Variants in CNTN1 observed in about 807,000 individuals in gnomAD.
The protein encoded by CNTN1 is contactin 1.
CNTN1 carries 38 observed loss-of-function variants against 126.4 expected under a neutral mutation model. The observed-to-expected ratio is 0.30, with a 90% CI of 0.23 to 0.39. The LOEUF is 0.39. Among genes scored for constraint, CNTN1 ranks in the 10% least tolerant of loss-of-function variants. CNTN1 has a pLI of 1.00. For missense variants in CNTN1, 1,009 were observed against 1,248.4 expected, an observed-to-expected ratio of 0.81 and a Z score of 2.89; for synonymous variants, 413 against 422.6, an observed-to-expected ratio of 0.98 and a Z score of 0.28.
chr12:40,935,096 G>A (rs769164736), intron 9 of CNTN1, among the ~76,000 whole-genome samples: 2 of 151,854 alleles, frequency 1.3e-5, no homozygotes, highest in Non-Finnish European at 2.9e-5. Flanking sequence ...CGTGATCATG[G>A]CTTTAGACAC....
At chr12:40,988,463 A>G (rs1165625879) in intron 16 of CNTN1, among the ~76,000 whole-genome samples, 1 of 152,152 alleles carries the variant, frequency 6.6e-6, no homozygotes, top group Non-Finnish European at 1.5e-5. Context: ...TCCTGAAGTC[A>G]TTCTGGCTGT....
At chr12:41,006,199 T>C (rs1029201130) in intron 17 of CNTN1, among the ~76,000 whole-genome samples, 2 of 152,218 alleles carry the variant, frequency 1.3e-5, no homozygotes, top group African/African-American at 4.8e-5. Flanking sequence ...CACCTCCCAA[T>C]TCCTGGACTG....
chr12:40,693,143 G>A (rs1941346589), intron 1 of CNTN1, among the ~76,000 whole-genome samples: 1 of 152,204 alleles, frequency 6.6e-6, no homozygotes, highest in South Asian at 2.1e-4. Flanking sequence ...CCCTTCAGGA[G>A]ATGGGGGTGG....
At position 41,025,254 on chromosome 12, in the gene CNTN1, G is replaced by A. The variant is rs2120819370; in HGVS notation, c.2628G>A (p.Gln876=). The change falls in exon 21 of 24, where the codon CAG becomes CAA. Residue 876 remains glutamine (Q), a synonymous_variant. Transcript: ENST00000551295. ...ARLENLLPDT[Q]YFIEVGACNS... is the part of the protein sequence containing the mutation. ...TCGAGAACCTTCTGCCAGACACCCA[G>A]TATTTTATAGAAGTCGGGGCCTGCA... 1 of 1,613,968 alleles carries A rather than the reference G, an allele frequency of 6.2e-7. No individual in the cohort carries two copies. The highest frequency in any genetic ancestry group is 8.5e-7 in the Non-Finnish European group (1 of 1,179,866).
chr12:40,926,096 G>C (rs532321866), intron 6 of CNTN1, among the ~76,000 whole-genome samples: 1 of 151,048 alleles, frequency 6.6e-6, no homozygotes, highest in African/African-American at 2.4e-5. Flanking sequence ...GCCTTCAGAG[G>C]TCTTCCACGG....
chr12:40,742,479 GT>G (rs1937984713), intron 1 of CNTN1: 2 of 151,808 alleles, frequency 1.3e-5, no homozygotes, highest in African/African-American at 4.8e-5. Context: ...AGTGAGTAAA[GT>G]TTGTCTTTGC....
chr12:40,990,022 A>C (rs1043957672), intron 16 of CNTN1, among the ~76,000 whole-genome samples: 4 of 151,796 alleles, frequency 2.6e-5, no homozygotes, highest in Non-Finnish European at 5.9e-5. Flanking sequence ...CAGCTTAGAG[A>C]GAAGAGACAC....
At chr12:41,048,827 C>G (rs1018046203) in intron 23 of CNTN1, among the ~76,000 whole-genome samples, 1 of 152,096 alleles carries the variant, frequency 6.6e-6, no homozygotes, top group African/African-American at 2.4e-5. Context: ...AAAATCTCTT[C>G]CAGTAACTAA....
chr12:40,795,183 C>T (rs1345757112), intron 1 of CNTN1, among the ~76,000 whole-genome samples: 1 of 151,858 alleles, frequency 6.6e-6, no homozygotes, highest in Non-Finnish European at 1.5e-5. Flanking sequence ...GCCTTTCAGC[C>T]AGCCTTGGGG....
rs1293851277 is a variant in CNTN1, at chr12:41,056,962, AAATATTATAAATATTTAG to A, written c.2981-12995_2981-12978del. 3.9e-5 allele frequency among the ~76,000 whole-genome samples: 4 copies of A among 101,610 alleles called. 1 individual carries two copies. Among genetic ancestry groups the A allele is most frequent in the African/African-American group, 1.2e-4 (3 of 24,516 alleles). 66.7% of individuals were successfully genotyped at this position (101,610 alleles called of 152,430 possible). The stretch of plus-strand genomic sequence containing the variant: ...ATATTTATAATATTTAGATATTTAT[AAATATTATAAATATTTAG>A]ATATTTATAAATATTATAAATATTT... On this transcript the variant is annotated intron_variant, in intron 23 of 23. Coordinates refer to ENST00000551295, the MANE Select transcript of CNTN1 (RefSeq NM_001843.4).
At chr12:40,801,479 A>G (rs1940650794) in intron 1 of CNTN1, among the ~76,000 whole-genome samples, 1 of 152,008 alleles carries the variant, frequency 6.6e-6, no homozygotes, top group Non-Finnish European at 1.5e-5. Flanking sequence ...GATAAGGTAG[A>G]ATTTTGTGAG....
intron 1 of CNTN1, among the ~76,000 whole-genome samples, chr12:40,725,094 G>T (rs2121233719): frequency 6.6e-6 from 1 of 152,210 alleles, no homozygotes; most frequent in East Asian, 1.9e-4. Flanking sequence ...TTTTCTATGG[G>T]ATTTACCTTA....
chr12:40,791,265 C>G (rs183607976), intron 1 of CNTN1, among the ~76,000 whole-genome samples: 69 of 152,194 alleles, frequency 4.5e-4, no homozygotes, highest in African/African-American at 1.6e-3. Context: ...TAACCCATGT[C>G]ATTGTCTTAT....
intron 23 of CNTN1, among the ~76,000 whole-genome samples, chr12:41,033,087 AT>A (rs1949180995): frequency 1.3e-5 from 2 of 152,240 alleles, no homozygotes; most frequent in Non-Finnish European, 2.9e-5. Flanking sequence ...TCTTAAAAAA[AT>A]AAGACTTCCT....
intron 1 of CNTN1, among the ~76,000 whole-genome samples, chr12:40,720,950 A>AATAT (rs146338360): frequency 6.6e-6 from 1 of 150,418 alleles, no homozygotes; most frequent in Non-Finnish European, 1.5e-5. Context: ...AAAAAAGAGA[A>AATAT]ATATATATAT....
chr12:41,013,506 G>A (rs1948713916), intron 17 of CNTN1, among the ~76,000 whole-genome samples: 1 of 151,426 alleles, frequency 6.6e-6, no homozygotes, highest in East Asian at 1.9e-4. Context: ...ATTGTGGGTT[G>A]TTAAAAAGTG....
chr12:40,839,957 C>A (rs1245587802), intron 1 of CNTN1, among the ~76,000 whole-genome samples: 3 of 151,986 alleles, frequency 2.0e-5, no homozygotes, highest in Non-Finnish European at 4.4e-5. Flanking sequence ...ATACAACAAC[C>A]AGAAAACAAC....
At chr12:41,027,794 T>G (rs1257959032) in intron 21 of CNTN1, 63 bp from the exon 22 acceptor site, 2 of 963,502 alleles carry the variant, frequency 2.1e-6, no homozygotes, top group Non-Finnish European at 3.4e-6. Flanking sequence ...CCTGATGCAA[T>G]AGAGTATGCA....
chr12:40,804,399 A>G (rs558066106), intron 1 of CNTN1, among the ~76,000 whole-genome samples: 2 of 152,200 alleles, frequency 1.3e-5, no homozygotes, highest in East Asian at 3.9e-4. Flanking sequence ...TATTTCAGGT[A>G]CTATTGCCAT....
Sources: allele counts gnomAD v4.1 joint callset (sites outside exome capture counted in the v4.1 genomes callset), GRCh38; gene constraint gnomAD v4.1.1; transcripts MANE v1.5; gene names NCBI Gene and HGNC (gene_info 2026-07-23, HGNC 2026-07-21).